Variants in MYT1L observed in about 807,000 individuals in gnomAD.
The protein encoded by MYT1L is myelin transcription factor 1-like protein.
In MYT1L, 12 loss-of-function variants were observed where a neutral mutation model predicts 126.7. That is an observed-to-expected ratio of 0.09 (90% CI 0.06 to 0.15). The LOEUF (loss-of-function observed/expected upper bound fraction) is 0.15. Among genes scored for constraint, MYT1L ranks in the 10% least tolerant of loss-of-function variants. The probability of loss-of-function intolerance (pLI) is 1.00; values close to 1 mark genes in which losing one functional copy is unlikely to be tolerated. For missense variants in MYT1L, 979 were observed against 1,585.2 expected, an observed-to-expected ratio of 0.62 and a Z score of 6.49; for synonymous variants, 541 against 604.2, an observed-to-expected ratio of 0.90 and a Z score of 1.53.
At position 1,801,704 on chromosome 2, in the gene MYT1L, T is replaced by G. The variant is rs1355541398; in HGVS notation, c.3268A>C (p.Arg1090=). 1.9e-6 allele frequency: 3 copies of G among 1,606,108 alleles called. No homozygotes were observed. The highest frequency in any genetic ancestry group is 2.6e-6 in the Non-Finnish European group (3 of 1,175,238). ...GCTTCAAAAACTGTTACCTGAGTTC[T>G]GAGTTTAATCATATCGGCTTCCATC... ...SQMEADMIKL[R]TQITTMESNL... Residue 1090 remains arginine (R), a synonymous_variant, in exon 23 of 25, where the codon AGA becomes CGA. Transcript: ENST00000647738. This position sits in a 1 kb window ranked among gnomAD's most constrained non-coding sequence, Gnocchi z 4.2.
At chr2:2,233,594 G>A (rs1477934358) in intron 2 of MYT1L, among the ~76,000 whole-genome samples, 1 of 152,194 alleles carries the variant, frequency 6.6e-6, no homozygotes, top group African/African-American at 2.4e-5. Context: ...TGGCCATCCA[G>A]TGCACATGAT....
chr2:2,047,007 C>T (rs1246870222), intron 4 of MYT1L, among the ~76,000 whole-genome samples: 2 of 152,058 alleles, frequency 1.3e-5, no homozygotes, highest in Non-Finnish European at 2.9e-5. Flanking sequence ...ATATCCTTTG[C>T]CCATTTTTAG....
chr2:2,149,318 T>C (rs2085373368), intron 3 of MYT1L, among the ~76,000 whole-genome samples: 1 of 152,200 alleles, frequency 6.6e-6, no homozygotes, highest in Non-Finnish European at 1.5e-5. Flanking sequence ...GCTGCATATA[T>C]AAACACCAAG....
chr2:2,319,550 G>C (rs151230770), intron 1 of MYT1L, among the ~76,000 whole-genome samples: 2 of 152,226 alleles, frequency 1.3e-5, no homozygotes, highest in African/African-American at 2.4e-5. Flanking sequence ...CCGTTGAATA[G>C]AGAATATGGT....
intron 4 of MYT1L, among the ~76,000 whole-genome samples, chr2:2,043,809 A>C (rs2067837610): frequency 6.6e-6 from 1 of 152,246 alleles, no homozygotes; most frequent in Admixed American, 6.5e-5. Context: ...ATGGTACATA[A>C]AAACTTCTCA....
intron 5 of MYT1L, among the ~76,000 whole-genome samples, chr2:1,995,444 AG>A (rs1170503267): frequency 1.3e-5 from 2 of 152,234 alleles, no homozygotes; most frequent in African/African-American, 4.8e-5. Flanking sequence ...AAAGAAAAAA[AG>A]CATCAACAAG....
chr2:2,068,760 G>GTTC (rs1393136426), intron 3 of MYT1L, among the ~76,000 whole-genome samples: 2 of 26,666 alleles, frequency 7.5e-5, no homozygotes, highest in Non-Finnish European at 1.8e-4. Flanking sequence ...AGACACCTGT[G>GTTC]TTCTTCTTGT....
intron 13 of MYT1L, among the ~76,000 whole-genome samples, chr2:1,905,606 G>A (rs1290624399): frequency 2.0e-5 from 3 of 152,042 alleles, no homozygotes; most frequent in South Asian, 2.1e-4. Flanking sequence ...CACCCGCCTC[G>A]GCCTCTCAAA....
At chr2:2,179,776 G>T (rs1053440699) in intron 2 of MYT1L, among the ~76,000 whole-genome samples, 9 of 152,152 alleles carry the variant, frequency 5.9e-5, no homozygotes, top group Non-Finnish European at 4.4e-5. Flanking sequence ...ACCACCTTAT[G>T]TGACCTTTAG....
intron 5 of MYT1L, among the ~76,000 whole-genome samples, chr2:1,993,809 T>C (rs769147471): frequency 5.9e-5 from 9 of 152,350 alleles, no homozygotes; most frequent in Non-Finnish European, 1.3e-4. Flanking sequence ...TTTTATTCCG[T>C]CCTTGGCTTT....
intron 4 of MYT1L, among the ~76,000 whole-genome samples, chr2:2,004,002 C>A (rs1405725289): frequency 2.9e-5 from 4 of 136,472 alleles, no homozygotes; most frequent in Admixed American, 6.9e-5. Flanking sequence ...TTCTTTCCTG[C>A]ATGCCTTCTT....
intron 22 of MYT1L, 60 bp downstream of exon 22, chr2:1,809,016 T>C (rs1202418076): frequency 1.4e-6 from 2 of 1,460,866 alleles, no homozygotes; most frequent in African/African-American, 1.4e-5. Flanking sequence ...ACAGCTGGCA[T>C]GGCCGTGCCC....
chr2:2,022,207 G>A (rs993139857), intron 4 of MYT1L, among the ~76,000 whole-genome samples: 7 of 152,138 alleles, frequency 4.6e-5, no homozygotes, highest in African/African-American at 1.7e-4. Flanking sequence ...AGGCTATGCA[G>A]GATTCCTTCC....
chr2:2,256,900 A>T (rs185501153), intron 2 of MYT1L, among the ~76,000 whole-genome samples: 1 of 152,330 alleles, frequency 6.6e-6, no homozygotes, highest in African/African-American at 2.4e-5. Flanking sequence ...ATGTGTGTGT[A>T]AATGCCATTC....
chr2:2,137,982 C>T (rs1575426797), intron 3 of MYT1L, among the ~76,000 whole-genome samples: 1 of 152,092 alleles, frequency 6.6e-6, no homozygotes, highest in East Asian at 1.9e-4. Flanking sequence ...TGAACTCAAA[C>T]AAATTTACAA....
chr2:2,068,819 T>C (rs1256958238), intron 3 of MYT1L, among the ~76,000 whole-genome samples: 3 of 137,464 alleles, frequency 2.2e-5, no homozygotes, highest in South Asian at 5.0e-4. Context: ...AGTTCAAGTA[T>C]GTGGAGGAAA....
intron 14 of MYT1L, chr2:1,902,821 A>T: frequency 2.1e-6 from 1 of 485,026 alleles, no homozygotes; most frequent in Non-Finnish European, 3.8e-6. Flanking sequence ...CCCTCTCCAC[A>T]TTCCACGAGC....
At position 2,228,796 on chromosome 2, in the gene MYT1L, T is replaced by C. The variant is rs895346572; in HGVS notation, c.-421+55608A>G. On this transcript the variant is annotated intron_variant, in intron 2 of 24. Coordinates refer to ENST00000647738, the MANE Select transcript of MYT1L (RefSeq NM_001303052.2). The surrounding 1 kb of genome is among the most constrained non-coding windows in gnomAD (Gnocchi z 5.9). ...TGAAAAACTATGTTATTTAGGTTGC[T>C]TCTTTTCAAGGTAACAGGGAAGTAT... 6.6e-6 allele frequency among the ~76,000 whole-genome samples: 1 copy of C among 152,166 alleles called. No homozygotes were observed. The highest frequency in any genetic ancestry group is 1.5e-5 in the Non-Finnish European group (1 of 68,024).
intron 14 of MYT1L, among the ~76,000 whole-genome samples, chr2:1,892,934 C>A (rs2049103482): frequency 2.0e-5 from 3 of 152,114 alleles, no homozygotes; most frequent in African/African-American, 7.2e-5. Flanking sequence ...CTGATACAGG[C>A]CATGGGAGTG....
Sources: allele counts gnomAD v4.1 joint callset (sites outside exome capture counted in the v4.1 genomes callset), GRCh38; gene constraint gnomAD v4.1.1; non-coding constraint Gnocchi (gnomAD v3.1); transcripts MANE v1.5; gene names NCBI Gene and HGNC (gene_info 2026-07-23, HGNC 2026-07-21).